The following MYOCD variants were observed in gnomAD, a reference collection of about 807,000 sequenced individuals.
The protein encoded by MYOCD is myocardin.
In MYOCD, 32 loss-of-function variants were observed where a neutral mutation model predicts 96.1. The observed-to-expected ratio is 0.33, with a 90% CI of 0.25 to 0.45. MYOCD has a LOEUF of 0.45. Ranked by LOEUF, MYOCD falls within the 20% of genes least tolerant of loss-of-function variation. The pLI, the probability that MYOCD is intolerant of heterozygous loss-of-function variation, is 1.00. For synonymous variants in MYOCD, 469 were observed against 469.0 expected (o/e 1.00, Z 0.00); for missense variants, 1,133 against 1,200.6 (o/e 0.94, Z 0.83).
At chr17:12,688,621 CTTCT>C (rs1189099386) in intron 1 of MYOCD, among the ~76,000 whole-genome samples, 1 of 148,282 alleles carries the variant, frequency 6.7e-6, no homozygotes, top group Middle Eastern at 3.3e-3. Context: ...CCTCTCCTTC[CTTCT>C]TTCCGTCTTC....
chr17:12,750,668 A>AGGTG (rs2032826516), intron 9 of MYOCD, among the ~76,000 whole-genome samples: 1 of 152,132 alleles, frequency 6.6e-6, no homozygotes, highest in Non-Finnish European at 1.5e-5. Flanking sequence ...CAGCCTGACC[A>AGGTG]ACAGAGCAAG....
chr17:12,704,091 G>A (rs12938217), intron 1 of MYOCD, among the ~76,000 whole-genome samples: 2,642 of 152,144 alleles, frequency 0.017, 37 homozygotes, highest in Non-Finnish European at 0.028. Flanking sequence ...CTAGTTTTTT[G>A]TGTTAGAGTA....
At chr17:12,686,193 C>G (rs2030110348) in intron 1 of MYOCD, among the ~76,000 whole-genome samples, 1 of 152,206 alleles carries the variant, frequency 6.6e-6, no homozygotes, top group African/African-American at 2.4e-5. Context: ...CTTACAAAAA[C>G]AGACCTTGGT....
intron 12 of MYOCD, among the ~76,000 whole-genome samples, chr17:12,759,053 AAAAAAG>A (rs2033095491): frequency 6.6e-6 from 1 of 152,124 alleles, no homozygotes; most frequent in Non-Finnish European, 1.5e-5. Context: ...CATCTCAAAA[AAAAAAG>A]AAAAAGAAAA....
At chr17:12,737,445 G>C (rs926744983) in intron 6 of MYOCD, among the ~76,000 whole-genome samples, 1 of 152,148 alleles carries the variant, frequency 6.6e-6, no homozygotes, top group African/African-American at 2.4e-5. Flanking sequence ...CTGTGAGGCC[G>C]AGCAACTGGT....
intron 9 of MYOCD, among the ~76,000 whole-genome samples, chr17:12,751,336 C>A (rs548909529): frequency 6.6e-6 from 1 of 151,550 alleles, no homozygotes; most frequent in African/African-American, 2.4e-5. Context: ...GAAAAATAGT[C>A]AATTCAAACT....
chr17:12,739,419 C>T (rs888425496), intron 7 of MYOCD, 91 bp downstream of exon 7: 14 of 1,410,134 alleles, frequency 9.9e-6, no homozygotes, highest in East Asian at 2.6e-5. Flanking sequence ...TCTGACAACA[C>T]GAGGAGAGTT....
intron 10 of MYOCD, 100 bp from the exon 11 acceptor site, chr17:12,756,314 T>G: frequency 7.3e-7 from 1 of 1,371,366 alleles, no homozygotes; most frequent in East Asian, 2.5e-5. Context: ...TTTGTAAAAA[T>G]GACACCAGGG....
At chr17:12,732,962 T>C (rs1187673955) in intron 5 of MYOCD, among the ~76,000 whole-genome samples, 1 of 152,150 alleles carries the variant, frequency 6.6e-6, no homozygotes, top group Non-Finnish European at 1.5e-5. Context: ...CCCTCAGATC[T>C]CAAAAATTCA....
chr17:12,762,157 C>G (rs2033196027), intron 13 of MYOCD: 1 of 152,198 alleles, frequency 6.6e-6, no homozygotes, highest in East Asian at 1.9e-4. Context: ...TTTTCTCTTG[C>G]AATGTTCTGC....
intron 1 of MYOCD, among the ~76,000 whole-genome samples, chr17:12,676,259 A>G (rs906507969): frequency 6.5e-4 from 76 of 117,278 alleles, no homozygotes; most frequent in South Asian, 2.6e-3. Flanking sequence ...ACACACACAC[A>G]CACACACACA....
intron 4 of MYOCD, among the ~76,000 whole-genome samples, chr17:12,719,191 A>C (rs1394577114): frequency 6.7e-6 from 1 of 149,824 alleles, no homozygotes; most frequent in Non-Finnish European, 1.5e-5. Flanking sequence ...AAAAAAAAAA[A>C]AAAAAAAAAA....
chr17:12,741,860 A>G (rs1401128282), intron 7 of MYOCD, among the ~76,000 whole-genome samples: 2 of 152,050 alleles, frequency 1.3e-5, no homozygotes, highest in Non-Finnish European at 2.9e-5. Flanking sequence ...TTGTTTGTAG[A>G]AGAGCCATCA....
At chr17:12,719,908 G>A (rs1265155382) in intron 4 of MYOCD, among the ~76,000 whole-genome samples, 1 of 151,542 alleles carries the variant, frequency 6.6e-6, no homozygotes, top group Non-Finnish European at 1.5e-5. Context: ...GCTAGAAAGG[G>A]TAAAAGAATT....
chr17:12,699,228 G>A (rs910312477), intron 1 of MYOCD, among the ~76,000 whole-genome samples: 2 of 151,732 alleles, frequency 1.3e-5, no homozygotes, highest in African/African-American at 4.8e-5. Flanking sequence ...GGGTTCAAGT[G>A]ATTCTCATGC....
intron 12 of MYOCD, chr17:12,760,322 G>T (rs1353132072): frequency 9.1e-6 from 3 of 329,970 alleles, no homozygotes; most frequent in African/African-American, 4.2e-5. Context: ...AGGCAGAAAG[G>T]AAAATGGCGG....
At chr17:12,707,912 G>A (rs1328251276) in intron 2 of MYOCD, among the ~76,000 whole-genome samples, 5 of 152,254 alleles carry the variant, frequency 3.3e-5, no homozygotes, top group African/African-American at 1.2e-4. Flanking sequence ...CTAATTCTGT[G>A]ATTTTCTAAT....
At chr17:12,683,474 C>A (rs1188752862) in intron 1 of MYOCD, among the ~76,000 whole-genome samples, 1 of 152,146 alleles carries the variant, frequency 6.6e-6, no homozygotes, top group Admixed American at 6.5e-5. Flanking sequence ...CGCTCTCTCT[C>A]TCTCCCGCTC....
At chr17:12,729,943 TGAA>T (rs1252222049) in intron 5 of MYOCD, among the ~76,000 whole-genome samples, 1 of 152,064 alleles carries the variant, frequency 6.6e-6, no homozygotes, top group African/African-American at 2.4e-5. Flanking sequence ...TCAAAAGACA[TGAA>T]GATCATCCTG....
Sources: gnomAD v4.1 joint callset for allele counts (sites outside exome capture counted in the v4.1 genomes callset) on GRCh38, gnomAD v4.1.1 for gene constraint, MANE v1.5 for transcripts, NCBI Gene and HGNC (gene_info 2026-07-23, HGNC 2026-07-21) for gene names.